The following PCDHGA7 variants were observed in gnomAD, a reference collection of about 807,000 sequenced individuals.
PCDHGA7 encodes the protein protocadherin gamma-A7.
In PCDHGA7, 44 loss-of-function variants were observed where a neutral mutation model predicts 58.3. That is an observed-to-expected ratio of 0.75 (90% CI 0.59 to 0.97). PCDHGA7 has a LOEUF of 0.97. Ranked by LOEUF, PCDHGA7 falls within the 50% of genes least tolerant of loss-of-function variation. The pLI, the probability that PCDHGA7 is intolerant of heterozygous loss-of-function variation, is 0.00. For missense variants in PCDHGA7, 1,266 were observed against 1,188.7 expected, an observed-to-expected ratio of 1.06 and a Z score of -0.96; for synonymous variants, 516 against 504.2, an observed-to-expected ratio of 1.02 and a Z score of -0.31.
At position 141,382,929 on chromosome 5, in the gene PCDHGA7, C is replaced by A. The variant is rs1163790741; in HGVS notation, c.30C>A (p.Tyr10Ter). MAAQPRGGD[Y>*]RGFFLLSILL... Reference sequence around the variant, plus strand: ...CGGCTCAGCCGAGGGGCGGGGACTACAGAGGATTCTTCCTGCTCTCCATCC... The same window carrying A: ...CGGCTCAGCCGAGGGGCGGGGACTAAAGAGGATTCTTCCTGCTCTCCATCC... The change falls in exon 1 of 4, where the codon TAC becomes TAA. Residue 10 changes from tyrosine (Y) to a stop codon, truncating the protein, a stop_gained. Coordinates refer to ENST00000518325, the MANE Select transcript of PCDHGA7 (RefSeq NM_018920.4). LOFTEE classifies it high-confidence loss of function. The A allele has an allele frequency of 6.3e-6, 10 of 1,582,396 alleles. No individual in the cohort carries two copies. Among genetic ancestry groups the A allele is most frequent in the Non-Finnish European group, 8.6e-6 (10 of 1,162,246 alleles).
intron 1 of PCDHGA7, chr5:141,394,181 C>T (rs1232533966): frequency 1.2e-6 from 2 of 1,613,928 alleles, no homozygotes; most frequent in East Asian, 4.5e-5. Flanking sequence ...CTCATGCCTC[C>T]TACTCAGCGT....
intron 1 of PCDHGA7, chr5:141,409,728 C>T: frequency 6.2e-7 from 1 of 1,613,134 alleles, no homozygotes; most frequent in Non-Finnish European, 8.5e-7. Flanking sequence ...TCAGTGAGCG[C>T]GCAGAGCGGG....
intron 1 of PCDHGA7, chr5:141,410,801 A>G (rs2095424401): frequency 3.4e-6 from 2 of 587,942 alleles, no homozygotes; most frequent in Admixed American, 4.2e-5. Context: ...AAGTTGCTCT[A>G]TCTTTTTGTA....
At position 141,383,716 on chromosome 5, in the gene PCDHGA7, G is replaced by A. The variant is rs1012308132; in HGVS notation, c.817G>A (p.Val273Ile). ...ACATGCTATCGACCTGGACGAGGGAGTCAATGGGGAAGTGACATATTCTTT... is the reference window on the plus strand; with the variant it reads ...ACATGCTATCGACCTGGACGAGGGAATCAATGGGGAAGTGACATATTCTTT... The part of the protein sequence containing the change: ...TVHAIDLDEG[V>I]NGEVTYSFRK... The change falls in exon 1 of 4, where the codon GTC (valine) becomes ATC (isoleucine). Residue 273 changes from valine (V) to isoleucine (I), a missense_variant. By Grantham distance (29) the Val-to-Ile change is conservative. Coordinates refer to ENST00000518325, the MANE Select transcript of PCDHGA7 (RefSeq NM_018920.4). 6.2e-7 allele frequency: 1 copy of A among 1,614,012 alleles called. No individual in the cohort carries two copies. Among genetic ancestry groups the A allele is most frequent in the Non-Finnish European group, 8.5e-7 (1 of 1,179,878 alleles).
chr5:141,468,814 C>G (rs2099180978), intron 1 of PCDHGA7, among the ~76,000 whole-genome samples: 1 of 151,814 alleles, frequency 6.6e-6, no homozygotes, highest in African/African-American at 2.4e-5. Context: ...TGCAGTGAGC[C>G]AAGATCAAGC....
chr5:141,419,043 A>G (rs1561777660), intron 1 of PCDHGA7: 5 of 1,613,958 alleles, frequency 3.1e-6, no homozygotes. Flanking sequence ...TTTAAGATTC[A>G]TTCTTCTTCT....
At position 141,384,521 on chromosome 5, in the gene PCDHGA7, C is replaced by T. The variant is rs1255804611; in HGVS notation, c.1622C>T (p.Pro541Leu). The T allele has an allele frequency of 1.9e-6, 3 of 1,614,122 alleles. No individual in the cohort carries two copies. The highest frequency in any genetic ancestry group is 1.7e-6 in the Non-Finnish European group (2 of 1,180,046). ...ACTGCACATGACAGCGGGGACCCGC[C>T]TCTCAGCAGCAACATGTCACTGAGC... ...RVTAHDSGDPPLSSNMSLSLF... is the reference protein window; with the variant it reads ...RVTAHDSGDPLLSSNMSLSLF... The change falls in exon 1 of 4, where the codon CCT (proline) becomes CTT (leucine). Residue 541 changes from proline to leucine, a missense_variant. Physicochemically the swap from Pro to Leu is moderately conservative, Grantham distance 98 (BLOSUM62 -3). Coordinates refer to ENST00000518325, the MANE Select transcript of PCDHGA7 (RefSeq NM_018920.4).
intron 1 of PCDHGA7, among the ~76,000 whole-genome samples, chr5:141,463,088 C>T (rs768488458): frequency 6.6e-6 from 1 of 152,108 alleles, no homozygotes; most frequent in Non-Finnish European, 1.5e-5. Flanking sequence ...ATTTTCCAGC[C>T]CTATGTGACC....
chr5:141,506,506 C>T (rs1279198463), intron 3 of PCDHGA7, among the ~76,000 whole-genome samples: 2 of 151,030 alleles, frequency 1.3e-5, no homozygotes. Context: ...GATTCAAATC[C>T]TGGCACCTGG....
chr5:141,389,211 G>A, intron 1 of PCDHGA7: 2 of 1,614,058 alleles, frequency 1.2e-6, no homozygotes, highest in South Asian at 2.2e-5. Flanking sequence ...CATTGGTGAT[G>A]TAAATGACAA....
intron 1 of PCDHGA7, chr5:141,479,196 C>T (rs2099489838): frequency 2.0e-5 from 3 of 152,432 alleles, no homozygotes; most frequent in African/African-American, 7.2e-5. Context: ...TCAGAAAATA[C>T]AGAAAAGTAT....
rs774600484 is a variant in PCDHGA7 at position 141,384,035 on chromosome 5, A to G, written c.1136A>G (p.Asn379Ser). The G allele has an allele frequency of 1.2e-6, 2 of 1,613,378 alleles. No homozygotes were observed. The highest frequency in any genetic ancestry group is 1.7e-6 in the Non-Finnish European group (2 of 1,179,538). Residue 379 changes from asparagine to serine, a missense_variant, in exon 1 of 4, where the codon AAT (asparagine) becomes AGT (serine). Coordinates refer to ENST00000518325, the MANE Select transcript of PCDHGA7 (RefSeq NM_018920.4). ...CTACAAGACAGAGATTCTGGAAAGA[A>G]TGGTGAGGTGACCTGCACCATTCCA... is the stretch of plus-strand genomic sequence containing the variant. ...FYLQDRDSGKNGEVTCTIPEN... is the reference protein window; with the variant it reads ...FYLQDRDSGKSGEVTCTIPEN...
chr5:141,463,208 C>G (rs895284460), intron 1 of PCDHGA7, among the ~76,000 whole-genome samples: 1 of 152,090 alleles, frequency 6.6e-6, no homozygotes, highest in African/African-American at 2.4e-5. Flanking sequence ...CTTGGGGATC[C>G]ATATTAATAT....
chr5:141,494,142 A>G (rs2099752161), intron 1 of PCDHGA7, among the ~76,000 whole-genome samples: 1 of 152,090 alleles, frequency 6.6e-6, no homozygotes, highest in South Asian at 2.1e-4. Context: ...TTAGTCACAG[A>G]CCATTGTCTG....
chr5:141,430,380 T>TG (rs1376875091), intron 1 of PCDHGA7, among the ~76,000 whole-genome samples: 2 of 147,890 alleles, frequency 1.4e-5, no homozygotes, highest in African/African-American at 5.0e-5. Context: ...AAAAGCTCAT[T>TG]GGGAAAAAAA....
chr5:141,507,559 G>T (rs542787142), intron 3 of PCDHGA7, among the ~76,000 whole-genome samples: 1 of 152,368 alleles, frequency 6.6e-6, no homozygotes, highest in African/African-American at 2.4e-5. Flanking sequence ...GTGGCAGGCG[G>T]CTGGGTCTGA....
rs1328089059 is a variant in PCDHGA7, at chr5:141,478,532, G to A, written c.2425-16275G>A. 4.4e-6 allele frequency: 7 copies of A among 1,607,742 alleles called. No homozygotes were observed. The East Asian group carries it at 1.6e-4, about 36-fold the overall frequency. On this transcript the variant is annotated intron_variant, in intron 1 of 3. Coordinates refer to ENST00000518325, the MANE Select transcript of PCDHGA7 (RefSeq NM_018920.4). Reference sequence around the variant, plus strand: ...TAGGCAGGTGTTGGGTGCAGAGAGCGCCCCTCCCGGACAGGTAAGGTTTAG... The same window carrying A: ...TAGGCAGGTGTTGGGTGCAGAGAGCACCCCTCCCGGACAGGTAAGGTTTAG...
intron 1 of PCDHGA7, among the ~76,000 whole-genome samples, chr5:141,457,694 C>G (rs891323419): frequency 6.6e-6 from 1 of 152,214 alleles, no homozygotes; most frequent in Non-Finnish European, 1.5e-5. Flanking sequence ...TTTGGATTGG[C>G]TTTGATGAAA....
chr5:141,390,196 T>C (rs1416526939), intron 1 of PCDHGA7: 2 of 1,613,930 alleles, frequency 1.2e-6, no homozygotes, highest in African/African-American at 2.7e-5. Context: ...AGTGAGCAGT[T>C]GAGTTCAGGA....
Sources: gnomAD v4.1 joint callset for allele counts (sites outside exome capture counted in the v4.1 genomes callset) on GRCh38, gnomAD v4.1.1 for gene constraint, MANE v1.5 for transcripts, NCBI Gene and HGNC (gene_info 2026-07-23, HGNC 2026-07-21) for gene names.